The following ATP11A variants were observed in gnomAD, a reference collection of about 807,000 sequenced individuals.
ATP11A encodes the protein ATPase phospholipid transporting 11A.
ATP11A carries 81 observed loss-of-function variants against 154.4 expected under a neutral mutation model. The ratio of observed to expected loss-of-function variants is 0.52; its 90% CI spans 0.44 to 0.63. The LOEUF is 0.63. ATP11A is among the 30% of genes least tolerant of loss of function. The pLI, the probability that ATP11A is intolerant of heterozygous loss-of-function variation, is 0.00. For missense variants in ATP11A, 1,316 were observed against 1,474.3 expected (o/e 0.89, Z 1.76); for synonymous variants, 623 against 585.9 (o/e 1.06, Z -0.91).
intron 4 of ATP11A, among the ~76,000 whole-genome samples, chr13:112,809,467 C>T (rs2078424804): frequency 6.6e-6 from 1 of 152,182 alleles, no homozygotes; most frequent in Non-Finnish European, 1.5e-5. Context: ...CCCAGTGAGC[C>T]TCCTGCCCCA....
At chr13:112,779,109 TAGCCACTGGAGTGAGTAGCCGCTGGAGTG>T (rs1245889779) in intron 1 of ATP11A, among the ~76,000 whole-genome samples, 2 of 106,346 alleles carry the variant, frequency 1.9e-5, no homozygotes, top group East Asian at 6.1e-4. Context: ...CTGGAGTGAG[TAGCCACTGGAGTGAGTAGCCGCTGGAGTG>T]AGTAGCCGCT....
At chr13:112,732,487 CA>C (rs905520445) in intron 1 of ATP11A, among the ~76,000 whole-genome samples, 58 of 152,072 alleles carry the variant, frequency 3.8e-4, no homozygotes, top group Non-Finnish European at 7.4e-5. Flanking sequence ...CATCTCTCTC[CA>C]GCTCCATCTC....
intron 1 of ATP11A, among the ~76,000 whole-genome samples, chr13:112,743,840 C>T (rs1594508362): frequency 1.3e-5 from 2 of 152,188 alleles, no homozygotes; most frequent in African/African-American, 4.8e-5. Flanking sequence ...TAGTATAGGC[C>T]CATCCACCAT....
At position 112,846,607 on chromosome 13, in the gene ATP11A, A is replaced by C. The variant is rs533390460; in HGVS notation, c.1809+4228A>C. On this transcript the variant is annotated intron_variant, in intron 17 of 29. Transcript: ENST00000375645. The stretch of plus-strand genomic sequence containing the variant: ...GTGACTGTTTAAATCCTCCTCGCTA[A>C]CTGCACCCCTGCTGCCAGCTCTGGA... 8.7e-4 allele frequency among the ~76,000 whole-genome samples: 133 copies of C among 152,204 alleles called. No individual in the cohort carries two copies. The Middle Eastern group carries it at 0.014, about 16-fold the overall frequency.
chr13:112,774,408 G>A lies in ATP11A; in HGVS notation c.40-10727G>A, dbSNP rs576190230. Among the ~76,000 whole-genome samples the A allele has an allele frequency of 2.0e-5, 3 of 152,296 alleles. No individual in the cohort carries two copies. The South Asian group carries it at 6.2e-4, about 32-fold the overall frequency. ...GCCCTTGAGAAGATGTCACACCTGG[G>A]CCCTGTTTATTATATTTGGAGAAAT... On this transcript the variant is annotated intron_variant, in intron 1 of 29. Coordinates refer to ENST00000375645, the MANE Select transcript of ATP11A (RefSeq NM_015205.3).
chr13:112,711,335 T>C (rs1457308826), intron 1 of ATP11A, among the ~76,000 whole-genome samples: 1 of 152,144 alleles, frequency 6.6e-6, no homozygotes, highest in Non-Finnish European at 1.5e-5. Flanking sequence ...GGTGTGGTGA[T>C]GCACACCTGT....
intron 1 of ATP11A, among the ~76,000 whole-genome samples, chr13:112,751,709 T>G (rs1282241951): frequency 6.6e-6 from 1 of 150,634 alleles, no homozygotes; most frequent in African/African-American, 2.5e-5. Flanking sequence ...GCCCTTTGAC[T>G]GATATGCATA....
chr13:112,881,285 A>G, intron 29 of ATP11A: 1 of 993,902 alleles, frequency 1.0e-6, no homozygotes, highest in South Asian at 4.6e-5. Flanking sequence ...GGGCTGTCAG[A>G]AGCCATGCAG....
At chr13:112,866,844 C>T (rs2080350921) in intron 25 of ATP11A, among the ~76,000 whole-genome samples, 1 of 151,812 alleles carries the variant, frequency 6.6e-6, no homozygotes, top group African/African-American at 2.4e-5. Flanking sequence ...TCAGTTTTTA[C>T]CAGGTCTATC....
At position 112,811,161 on chromosome 13, in the gene ATP11A, A is replaced by AACACACACACACACACACAC. The variant is rs10695491; in HGVS notation, c.441+461_441+480dup. Among the ~76,000 whole-genome samples, 398 of 115,592 alleles carry AACACACACACACACACACAC rather than the reference A, an allele frequency of 3.4e-3. 13 individuals carry two copies. The highest frequency in any genetic ancestry group is 6.2e-3 in the African/African-American group (173 of 28,020). The allele number at this position is 115,592 out of a possible 152,430, so 75.8% of individuals were successfully genotyped here. ...GGTGGATGTACCCACTGCCCCTTCC[A>AACACACACACACACACACAC]ACACACACACACACACACACACACA... is the stretch of plus-strand genomic sequence containing the variant. On this transcript the variant is annotated intron_variant, in intron 5 of 29. Coordinates refer to ENST00000375645, the MANE Select transcript of ATP11A (RefSeq NM_015205.3).
chr13:112,756,837 C>CCTGCTCCCAGCGCGGGGT (rs1262540432), intron 1 of ATP11A, among the ~76,000 whole-genome samples: 3 of 150,782 alleles, frequency 2.0e-5, no homozygotes, highest in Non-Finnish European at 3.0e-5. Flanking sequence ...CAGCACGGGG[C>CCTGCTCCCAGCGCGGGGT]CTGCTCCCAG....
chr13:112,873,606 A>G lies in ATP11A; in HGVS notation c.3091A>G (p.Asn1031Asp). ...ALDTHYWTWI[N>D]HFVIWGSLLF... is the part of the protein sequence containing the mutation. ...GGACACACACTACTGGACTTGGATC[A>G]ACCATTTTGTCATCTGGGGGTCGCT... The change falls in exon 27 of 30, where the codon AAC becomes GAC. Residue 1031 changes from asparagine to aspartate, a missense_variant. Physicochemically the swap from Asn to Asp is conservative, Grantham distance 23. Around this residue, in one of 5 missense-constraint regions of ATP11A, gnomAD observed 294 missense variants for 290.2 expected, o/e 1.01. Coordinates refer to ENST00000375645, the MANE Select transcript of ATP11A (RefSeq NM_015205.3). 1 of 1,612,384 alleles carries G rather than the reference A, an allele frequency of 6.2e-7. No individual in the cohort carries two copies. Among genetic ancestry groups the G allele is most frequent in the Non-Finnish European group, 8.5e-7 (1 of 1,179,604 alleles).
intron 2 of ATP11A, among the ~76,000 whole-genome samples, chr13:112,796,642 A>G (rs2078005821): frequency 6.6e-6 from 1 of 152,224 alleles, no homozygotes; most frequent in Non-Finnish European, 1.5e-5. Flanking sequence ...CAGTAAGGTA[A>G]TAAATTTGCA....
Position 112,886,930 on chromosome 13 carries a change from A to G in ATP11A, c.*5064A>G, listed in dbSNP as rs188284562. ...AACATAAATCAGTCTCCACACAGTAACATTTAACTGATAATTCATTAATCA... is the reference window on the plus strand; with the variant it reads ...AACATAAATCAGTCTCCACACAGTAGCATTTAACTGATAATTCATTAATCA... On this transcript the variant is annotated 3_prime_UTR_variant, in exon 30 of 30. Coordinates refer to ENST00000375645, the MANE Select transcript of ATP11A (RefSeq NM_015205.3). 1.3e-5 allele frequency: 2 copies of G among 152,376 alleles called. No individual in the cohort carries two copies. Among genetic ancestry groups the G allele is most frequent in the East Asian group, 3.9e-4 (2 of 5,190 alleles). The allele number at this position is 152,376 out of a possible 1,614,324, so 9.4% of individuals were successfully genotyped here. A position where few individuals can be genotyped will look rare whatever the true frequency, so the allele number is the denominator to read the frequency against.
At chr13:112,845,277 A>G (rs1266487246) in intron 17 of ATP11A, among the ~76,000 whole-genome samples, 1 of 107,302 alleles carries the variant, frequency 9.3e-6, no homozygotes, top group South Asian at 2.6e-4. Flanking sequence ...TAGCGGTACT[A>G]TTCAGTCCAG....
At chr13:112,741,850 C>T (rs1891586299) in intron 1 of ATP11A, among the ~76,000 whole-genome samples, 1 of 150,954 alleles carries the variant, frequency 6.6e-6, no homozygotes, top group East Asian at 1.9e-4. Flanking sequence ...GTAAAGAGTG[C>T]TCTGCTCCCT....
intron 2 of ATP11A, among the ~76,000 whole-genome samples, chr13:112,792,066 G>A (rs983431781): frequency 6.6e-6 from 1 of 152,292 alleles, no homozygotes; most frequent in South Asian, 2.1e-4. Context: ...TGAGATCTTC[G>A]CTCTTCACAG....
intron 16 of ATP11A, among the ~76,000 whole-genome samples, chr13:112,837,575 G>A (rs757363916): frequency 2.0e-5 from 3 of 152,188 alleles, no homozygotes; most frequent in Admixed American, 6.5e-5. Context: ...TTCATTAAGA[G>A]CTGTGGGATC....
rs115629228 is a variant in ATP11A, at chr13:112,838,010, G to A, written c.1705+1759G>A. 0.014 allele frequency among the ~76,000 whole-genome samples: 2,152 copies of A among 152,162 alleles called. 41 individuals carry two copies. The highest frequency in any genetic ancestry group is 0.048 in the African/African-American group (1,999 of 41,524). On this transcript the variant is annotated intron_variant, in intron 16 of 29. Transcript: ENST00000375645. The surrounding 1 kb of genome is among the most constrained non-coding windows in gnomAD (Gnocchi z 7.3). ...TCACACAGCATCACCTCTGAGACAC[G>A]CCATCAAATGTGGGATGAATCCAGG...
Sources: allele counts gnomAD v4.1 joint callset (sites outside exome capture counted in the v4.1 genomes callset), GRCh38; gene constraint gnomAD v4.1.1; regional missense constraint gnomAD v4.1.1; non-coding constraint Gnocchi (gnomAD v3.1); transcripts MANE v1.5; gene names NCBI Gene and HGNC (gene_info 2026-07-23, HGNC 2026-07-21).